ENOX1: variants seen among roughly 807,000 people sequenced by gnomAD.
ENOX1 encodes the protein candidate growth-related and time keeping constitutive hydroquinone (NADH) oxidase.
In ENOX1, 42 loss-of-function variants were observed where a neutral mutation model predicts 82.5. The observed-to-expected ratio is 0.51, with a 90% CI of 0.40 to 0.66. The LOEUF (loss-of-function observed/expected upper bound fraction) is 0.66, where lower values mean the gene tolerates loss of function less well. Among genes scored for constraint, ENOX1 ranks in the 30% least tolerant of loss-of-function variants. The pLI, the probability that ENOX1 is intolerant of heterozygous loss-of-function variation, is 0.00. For synonymous variants in ENOX1, 271 were observed against 282.2 expected, an observed-to-expected ratio of 0.96 and a Z score of 0.40; for missense variants, 608 against 811.6, an observed-to-expected ratio of 0.75 and a Z score of 3.05.
intron 3 of ENOX1, among the ~76,000 whole-genome samples, chr13:43,477,103 T>C (rs1160887890): frequency 6.6e-6 from 1 of 151,548 alleles, no homozygotes; most frequent in Non-Finnish European, 1.5e-5. Context: ...TTCAGTATGA[T>C]CCCATCTATG....
chr13:43,557,040 C>A (rs988125962), intron 2 of ENOX1, among the ~76,000 whole-genome samples: 37 of 152,300 alleles, frequency 2.4e-4, no homozygotes, highest in African/African-American at 8.4e-4. Context: ...CAGTGCAGTG[C>A]GAAGCAGGAG....
At position 43,599,867 on chromosome 13, in the gene ENOX1, G is replaced by T. The variant is rs142215204; in HGVS notation, c.-219+67612C>A. ...ACTAGCTCAGCCACAGTAGACAAGG[G>T]CACCAGGCAAAGTCCTGAGGCCCCC... On this transcript the variant is annotated intron_variant, in intron 2 of 16. Transcript: ENST00000690772. Among the ~76,000 whole-genome samples, 1,230 of 151,820 alleles carry T rather than the reference G, an allele frequency of 8.1e-3. 23 individuals carry two copies. The highest frequency in any genetic ancestry group is 0.028 in the African/African-American group (1,177 of 41,412).
intron 1 of ENOX1, among the ~76,000 whole-genome samples, chr13:43,699,237 A>G (rs566523516): frequency 2.8e-4 from 42 of 152,296 alleles, no homozygotes; most frequent in Middle Eastern, 3.4e-3. Flanking sequence ...AATGCCTCCT[A>G]TGGAATCATC....
intron 12 of ENOX1, among the ~76,000 whole-genome samples, chr13:43,275,573 A>AACACACACAC (rs71202257): frequency 6.7e-6 from 1 of 148,898 alleles, no homozygotes; most frequent in East Asian, 2.0e-4. Context: ...GACTGACACC[A>AACACACACAC]ACACACACAC....
Position 43,617,502 on chromosome 13 carries a change from A to G in ENOX1, c.-219+49977T>C, listed in dbSNP as rs150796868. On this transcript the variant is annotated intron_variant, in intron 2 of 16. Transcript: ENST00000690772. ...TTATATGCTTACTTTTTAAACTTTT[A>G]AAGTAAAATACACATACAGAATAGC... Among the ~76,000 whole-genome samples, 39 of 152,346 alleles carry G rather than the reference A, an allele frequency of 2.6e-4. No homozygotes were observed. In the East Asian group the frequency reaches 4.4e-3, roughly 17 times the overall value.
At chr13:43,507,877 A>G (rs551943656) in intron 2 of ENOX1, among the ~76,000 whole-genome samples, 5 of 152,054 alleles carry the variant, frequency 3.3e-5, no homozygotes, top group South Asian at 2.1e-4. Flanking sequence ...AACAAATACA[A>G]TCATAGTATA....
intron 15 of ENOX1, among the ~76,000 whole-genome samples, chr13:43,234,796 T>C (rs1041993056): frequency 6.6e-6 from 1 of 152,158 alleles, no homozygotes; most frequent in Non-Finnish European, 1.5e-5. Context: ...ATATTTGAAG[T>C]AGCCAACTGA....
At chr13:43,534,762 A>G (rs1215861282) in intron 2 of ENOX1, among the ~76,000 whole-genome samples, 5 of 152,106 alleles carry the variant, frequency 3.3e-5, no homozygotes, top group Admixed American at 1.3e-4. Context: ...GGCTATCACA[A>G]TGGGGCTGGG....
At chr13:43,585,843 C>T (rs7491192) in intron 2 of ENOX1, among the ~76,000 whole-genome samples, 60,127 of 152,182 alleles carry the variant, frequency 0.4, 12,381 homozygotes, top group East Asian at 0.57. Flanking sequence ...TCCCAAAGTG[C>T]TGGGATTACA....
intron 2 of ENOX1, among the ~76,000 whole-genome samples, chr13:43,608,603 G>A (rs1267188757): frequency 1.3e-5 from 2 of 152,156 alleles, no homozygotes; most frequent in East Asian, 3.9e-4. Flanking sequence ...AGGGCTACTG[G>A]TCATAGGAGT....
intron 9 of ENOX1, among the ~76,000 whole-genome samples, chr13:43,333,631 TTC>T (rs1231085153): frequency 6.6e-6 from 1 of 152,204 alleles, no homozygotes; most frequent in African/African-American, 2.4e-5. Flanking sequence ...AATAGGAGAT[TTC>T]TTTCTTTTTG....
intron 1 of ENOX1, among the ~76,000 whole-genome samples, chr13:43,740,330 G>C (rs1362060562): frequency 6.6e-6 from 1 of 150,738 alleles, no homozygotes; most frequent in Admixed American, 6.6e-5. Context: ...TAGCAAAGAA[G>C]TGACCTCAAC....
chr13:43,500,351 C>T (rs561295092), intron 2 of ENOX1, among the ~76,000 whole-genome samples: 23 of 152,236 alleles, frequency 1.5e-4, no homozygotes, highest in Non-Finnish European at 2.6e-4. Context: ...GGACTCCTCA[C>T]ATATATAAAT....
intron 5 of ENOX1, 22 bp downstream of exon 5, chr13:43,411,894 C>T (rs771681604): frequency 6.2e-7 from 1 of 1,613,872 alleles, no homozygotes; most frequent in South Asian, 1.1e-5. Flanking sequence ...GCAAGCATCT[C>T]TGAAACCAGG....
chr13:43,516,246 G>A (rs1193821379), intron 2 of ENOX1, among the ~76,000 whole-genome samples: 2 of 152,082 alleles, frequency 1.3e-5, no homozygotes, highest in Non-Finnish European at 2.9e-5. Context: ...AGGACTGAAA[G>A]GTAAAGCCAC....
chr13:43,524,515 C>G (rs1458836329), intron 2 of ENOX1, among the ~76,000 whole-genome samples: 2 of 152,134 alleles, frequency 1.3e-5, no homozygotes, highest in Admixed American at 6.6e-5. Context: ...TGGCCACCAT[C>G]ATGCCTCCCT....
At chr13:43,707,585 T>C (rs1172633831) in intron 1 of ENOX1, among the ~76,000 whole-genome samples, 2 of 151,712 alleles carry the variant, frequency 1.3e-5, no homozygotes, top group African/African-American at 4.8e-5. Context: ...GTACAAAAAT[T>C]AGCTGGGCGT....
intron 11 of ENOX1, among the ~76,000 whole-genome samples, chr13:43,319,873 A>G (rs919214579): frequency 2.0e-5 from 3 of 152,198 alleles, no homozygotes; most frequent in Non-Finnish European, 4.4e-5. Context: ...CTGTTAGTGA[A>G]TTAGAGTGCT....
chr13:43,676,242 C>A (rs566512786), intron 1 of ENOX1, among the ~76,000 whole-genome samples: 2 of 152,228 alleles, frequency 1.3e-5, no homozygotes, highest in East Asian at 1.9e-4. Flanking sequence ...ACACTAGAAC[C>A]AAAGAGTTCA....
Sources: gnomAD v4.1 joint callset for allele counts (sites outside exome capture counted in the v4.1 genomes callset) on GRCh38, gnomAD v4.1.1 for gene constraint, MANE v1.5 for transcripts, NCBI Gene and HGNC (gene_info 2026-07-23, HGNC 2026-07-21) for gene names.